The following ABI3BP variants were observed in gnomAD, a reference collection of about 807,000 sequenced individuals.
The protein encoded by ABI3BP is target of Nesh-SH3.
Under a neutral mutation model 268.6 loss-of-function variants are expected in ABI3BP, and 216 were observed. The ratio of observed to expected loss-of-function variants is 0.80; its 90% CI spans 0.72 to 0.90. The LOEUF is 0.90. ABI3BP is among the 40% of genes least tolerant of loss of function. The pLI, the probability that ABI3BP is intolerant of heterozygous loss-of-function variation, is 0.00. For synonymous variants in ABI3BP, 730 were observed against 730.0 expected (o/e 1.00, Z 0.00); for missense variants, 2,090 against 2,182.4 (o/e 0.96, Z 0.84).
intron 30 of ABI3BP, 31 bp downstream of exon 30, chr3:100,833,094 G>C: frequency 6.6e-7 from 1 of 1,525,404 alleles, no homozygotes; most frequent in South Asian, 1.2e-5. Flanking sequence ...GTAAGAAAAA[G>C]GACTTGCTGA....
intron 63 of ABI3BP, among the ~76,000 whole-genome samples, chr3:100,765,011 G>C (rs543860176): frequency 2.6e-5 from 4 of 151,668 alleles, no homozygotes; most frequent in Non-Finnish European, 5.9e-5. Flanking sequence ...AAGATCAGAA[G>C]AGTCTCCCTA....
chr3:100,822,078 C>G (rs941217598), intron 38 of ABI3BP, among the ~76,000 whole-genome samples: 1 of 152,074 alleles, frequency 6.6e-6, no homozygotes, highest in Non-Finnish European at 1.5e-5. Context: ...ATTTACACAC[C>G]AAGCACATCT....
intron 1 of ABI3BP, among the ~76,000 whole-genome samples, chr3:100,965,181 A>C (rs2080807791): frequency 6.6e-6 from 1 of 152,136 alleles, no homozygotes; most frequent in Non-Finnish European, 1.5e-5. Flanking sequence ...TGGACATCTG[A>C]TCTAGCAGAA....
chr3:100,774,517 T>C, intron 61 of ABI3BP, 88 bp downstream of exon 61: 1 of 1,009,228 alleles, frequency 9.9e-7, no homozygotes, highest in Non-Finnish European at 1.4e-6. Flanking sequence ...CTACTAAGAT[T>C]TGTGGTTTTT....
intron 5 of ABI3BP, 33 bp from the exon 6 acceptor site, chr3:100,885,621 TA>T: frequency 7.4e-7 from 1 of 1,359,982 alleles, no homozygotes; most frequent in Non-Finnish European, 1.0e-6. Context: ...ACATTATTTT[TA>T]TTCTCCTTGC....
rs891876337 is a variant in ABI3BP at position 100,864,158 on chromosome 3, C to T, written c.1064-82G>A. Reference sequence around the variant, plus strand: ...CTTAACCATGATCATGCACAGCAAGCTTTGTAACAGACTCTTGCACACAGA... The same window carrying T: ...CTTAACCATGATCATGCACAGCAAGTTTTGTAACAGACTCTTGCACACAGA... On this transcript the variant is annotated intron_variant, in intron 11 of 67. Coordinates refer to ENST00000471714, the MANE Select transcript of ABI3BP (RefSeq NM_001375547.2). The T allele has an allele frequency of 2.1e-5, 19 of 887,944 alleles. No homozygotes were observed. The African/African-American group carries it at 2.6e-4, about 12-fold the overall frequency. The allele number at this position is 887,944 out of a possible 1,614,324, so 55.0% of individuals were successfully genotyped here.
At chr3:100,793,457 A>G (rs1044160139) in intron 54 of ABI3BP, among the ~76,000 whole-genome samples, 5 of 152,020 alleles carry the variant, frequency 3.3e-5, no homozygotes, top group African/African-American at 1.2e-4. Context: ...CTGCTCAAGA[A>G]ATACACTTGT....
intron 51 of ABI3BP, among the ~76,000 whole-genome samples, chr3:100,803,999 T>A (rs1330608207): frequency 6.6e-6 from 1 of 152,180 alleles, no homozygotes; most frequent in Non-Finnish European, 1.5e-5. Context: ...ATGTTCTATA[T>A]GATTTTAGGA....
chr3:100,965,242 C>A (rs2080832432), intron 1 of ABI3BP, among the ~76,000 whole-genome samples: 1 of 152,164 alleles, frequency 6.6e-6, no homozygotes, highest in Non-Finnish European at 1.5e-5. Context: ...TAACTCATCT[C>A]AAATGCCATC....
chr3:100,828,854 G>GT (rs1296541762), intron 33 of ABI3BP, among the ~76,000 whole-genome samples: 1 of 152,096 alleles, frequency 6.6e-6, no homozygotes, highest in African/African-American at 2.4e-5. Flanking sequence ...TCAGTCTGTG[G>GT]TATACAGCTG....
intron 3 of ABI3BP, among the ~76,000 whole-genome samples, chr3:100,900,158 C>G (rs1484269981): frequency 6.6e-6 from 1 of 152,170 alleles, no homozygotes; most frequent in Non-Finnish European, 1.5e-5. Context: ...GTTGGAAACA[C>G]GGGTTTATTC....
chr3:100,988,683 C>T (rs755342280), intron 1 of ABI3BP, among the ~76,000 whole-genome samples: 3 of 152,114 alleles, frequency 2.0e-5, no homozygotes, highest in Non-Finnish European at 4.4e-5. Flanking sequence ...TGTAATTATC[C>T]CTTTCCACAC....
At chr3:100,818,419 G>A in intron 41 of ABI3BP, 106 bp downstream of exon 41, 2 of 958,790 alleles carry the variant, frequency 2.1e-6, no homozygotes, top group Non-Finnish European at 3.2e-6. Flanking sequence ...ATAATGGAAT[G>A]ATGACAAAGA....
At chr3:100,835,474 A>T in intron 28 of ABI3BP, 127 bp downstream of exon 28, 1 of 710,924 alleles carries the variant, frequency 1.4e-6, no homozygotes, top group Non-Finnish European at 2.2e-6. Context: ...AATGAAGAAT[A>T]TAGTTCAATG....
chr3:100,756,014 A>G (rs1680501), intron 63 of ABI3BP, among the ~76,000 whole-genome samples: 2 of 152,246 alleles, frequency 1.3e-5, no homozygotes, highest in Non-Finnish European at 2.9e-5. Context: ...TCACTGAGGT[A>G]TTGTGTTAAC....
intron 57 of ABI3BP, among the ~76,000 whole-genome samples, chr3:100,784,116 T>C (rs1418721497): frequency 1.3e-5 from 2 of 152,058 alleles, no homozygotes; most frequent in Admixed American, 1.3e-4. Context: ...CTAAAATGAG[T>C]GAAATAACAT....
chr3:100,777,382 T>C (rs887814845), intron 59 of ABI3BP, among the ~76,000 whole-genome samples: 1 of 152,150 alleles, frequency 6.6e-6, no homozygotes, highest in African/African-American at 2.4e-5. Context: ...CTGAACTAGG[T>C]CAATTTTACT....
rs1226759554 is a variant in ABI3BP, at chr3:100,846,384, G to C, written c.1711C>G (p.His571Asp). ...PKIPLSPEVT[H>D]TKPAPEPQTL... ...TTAGGGTAATTACCAGGTTTGGTGTGTGTCACTTCTGGGCTGAGAGGGATT... is the reference window on the plus strand; with the variant it reads ...TTAGGGTAATTACCAGGTTTGGTGTCTGTCACTTCTGGGCTGAGAGGGATT... Residue 571 changes from histidine to aspartate, a missense_variant, in exon 20 of 68, where the codon CAC (histidine) becomes GAC (aspartate). His to Asp is a moderately conservative substitution (Grantham distance 81, BLOSUM62 -1). Transcript: ENST00000471714. 1.3e-6 allele frequency: 2 copies of C among 1,599,250 alleles called. No homozygotes were observed. The highest frequency in any genetic ancestry group is 3.4e-5 in the Admixed American group (2 of 58,738).
chr3:100,821,690 C>T (rs113360789), intron 38 of ABI3BP, among the ~76,000 whole-genome samples: 21,171 of 150,332 alleles, frequency 0.14, 1,933 homozygotes, highest in South Asian at 0.26. Context: ...GCAACCTCCA[C>T]CTCCTGGGGT....
Sources: gnomAD v4.1 joint callset for allele counts (sites outside exome capture counted in the v4.1 genomes callset) on GRCh38, gnomAD v4.1.1 for gene constraint, MANE v1.5 for transcripts, NCBI Gene and HGNC (gene_info 2026-07-23, HGNC 2026-07-21) for gene names.